The following PTPRD variants were observed in gnomAD, a reference collection of about 807,000 sequenced individuals.
PTPRD encodes the protein protein tyrosine phosphatase receptor type D, also known as receptor-type tyrosine-protein phosphatase delta.
In PTPRD, 34 loss-of-function variants were observed where a neutral mutation model predicts 214.5. The observed-to-expected ratio is 0.16, with a 90% CI of 0.12 to 0.21. The LOEUF is 0.21. PTPRD is among the 10% of genes least tolerant of loss of function. The probability of loss-of-function intolerance (pLI) is 1.00; values close to 1 mark genes in which losing one functional copy is unlikely to be tolerated. For missense variants in PTPRD, 2,545 were observed against 2,398.7 expected (o/e 1.06, Z -1.27); for synonymous variants, 1,128 against 845.7 (o/e 1.33, Z -5.79).
At chr9:10,173,468 A>G (rs1346865464) in intron 3 of PTPRD, among the ~76,000 whole-genome samples, 1 of 152,130 alleles carries the variant, frequency 6.6e-6, no homozygotes, top group Non-Finnish European at 1.5e-5. Flanking sequence ...TACTGTTATG[A>G]TCTCATCAAA....
At chr9:9,493,484 A>G (rs981935438) in intron 8 of PTPRD, among the ~76,000 whole-genome samples, 1 of 152,082 alleles carries the variant, frequency 6.6e-6, no homozygotes, top group Non-Finnish European at 1.5e-5. Context: ...TTCCAGTTTT[A>G]TTATTTAAGA....
At chr9:8,418,276 A>G (rs1291313844) in intron 35 of PTPRD, among the ~76,000 whole-genome samples, 1 of 151,506 alleles carries the variant, frequency 6.6e-6, no homozygotes, top group Non-Finnish European at 1.5e-5. Flanking sequence ...TTCAGCTTAA[A>G]TCCCACTCTC....
intron 11 of PTPRD, among the ~76,000 whole-genome samples, chr9:8,891,151 T>TTTTTTTTTTTTTA (rs1345759298): frequency 1.3e-5 from 2 of 149,636 alleles, no homozygotes; most frequent in East Asian, 1.9e-4. Context: ...TTTTTTTTTT[T>TTTTTTTTTTTTTA]GAGACTGAGT....
At chr9:10,212,291 A>G (rs571854514) in intron 3 of PTPRD, among the ~76,000 whole-genome samples, 9 of 152,150 alleles carry the variant, frequency 5.9e-5, no homozygotes, top group Non-Finnish European at 1.2e-4. Context: ...GAACTCATAG[A>G]AATTGATATC....
At chr9:8,331,867 T>TAAATAGAA in intron 43 of PTPRD, 131 bp from the exon 44 acceptor site, 1 of 1,080,236 alleles carries the variant, frequency 9.3e-7, no homozygotes, top group Non-Finnish European at 1.3e-6. Context: ...GGAACATGTT[T>TAAATAGAA]AAATAGAAAC....
chr9:8,992,573 A>G (rs1481459847), intron 11 of PTPRD, among the ~76,000 whole-genome samples: 1 of 152,150 alleles, frequency 6.6e-6, no homozygotes, highest in Non-Finnish European at 1.5e-5. Context: ...AATATTAGGC[A>G]TGAATTTTTA....
chr9:9,864,002 C>T (rs2063371889), intron 5 of PTPRD, among the ~76,000 whole-genome samples: 1 of 152,006 alleles, frequency 6.6e-6, no homozygotes, highest in African/African-American at 2.4e-5. Context: ...CCATATGAGG[C>T]CTAGTAAGTT....
chr9:9,119,442 T>C (rs1293281008), intron 10 of PTPRD, among the ~76,000 whole-genome samples: 1 of 152,160 alleles, frequency 6.6e-6, no homozygotes, highest in East Asian at 1.9e-4. Context: ...AAGAGATTCA[T>C]ATTGAAATCC....
intron 5 of PTPRD, among the ~76,000 whole-genome samples, chr9:9,783,957 T>A (rs1224819873): frequency 6.6e-6 from 1 of 151,930 alleles, no homozygotes; most frequent in Non-Finnish European, 1.5e-5. Flanking sequence ...TGCAAATCCA[T>A]TAGTGATTTT....
chr9:8,604,325 T>C (rs2095068138), intron 14 of PTPRD, among the ~76,000 whole-genome samples: 1 of 152,176 alleles, frequency 6.6e-6, no homozygotes, highest in South Asian at 2.1e-4. Flanking sequence ...ATGAGCTAGA[T>C]CTTTTTCAGA....
At chr9:8,981,862 T>C (rs1305520433) in intron 11 of PTPRD, among the ~76,000 whole-genome samples, 4 of 152,076 alleles carry the variant, frequency 2.6e-5, no homozygotes, top group African/African-American at 9.7e-5. Flanking sequence ...AAGGAAGAAA[T>C]AGAATGGCAA....
intron 10 of PTPRD, among the ~76,000 whole-genome samples, chr9:9,036,542 G>C (rs572358039): frequency 6.6e-6 from 1 of 152,074 alleles, no homozygotes; most frequent in East Asian, 1.9e-4. Flanking sequence ...TAATCATAAT[G>C]TGTCAATAGT....
At chr9:9,855,660 G>T (rs1414032059) in intron 5 of PTPRD, among the ~76,000 whole-genome samples, 1 of 152,110 alleles carries the variant, frequency 6.6e-6, no homozygotes, top group African/African-American at 2.4e-5. Context: ...AGCCGCTTCC[G>T]CACCTGCAGG....
intron 10 of PTPRD, among the ~76,000 whole-genome samples, chr9:9,121,443 A>G (rs1048312825): frequency 6.6e-6 from 1 of 152,006 alleles, no homozygotes; most frequent in African/African-American, 2.4e-5. Flanking sequence ...TCAATCAACA[A>G]AGAAACTTTG....
chr9:10,173,899 T>A (rs770615957), intron 3 of PTPRD, among the ~76,000 whole-genome samples: 24 of 152,102 alleles, frequency 1.6e-4, no homozygotes, highest in Non-Finnish European at 2.4e-4. Context: ...TAGCCAAGGT[T>A]TGACTTAGTG....
intron 41 of PTPRD, among the ~76,000 whole-genome samples, chr9:8,340,743 A>C (rs1851685837): frequency 6.8e-6 from 1 of 147,556 alleles, no homozygotes; most frequent in African/African-American, 2.4e-5. Context: ...TTTCATTGTC[A>C]TACAAATTAC....
intron 7 of PTPRD, among the ~76,000 whole-genome samples, chr9:9,641,941 T>C (rs2095973526): frequency 1.3e-5 from 2 of 152,112 alleles, no homozygotes; most frequent in African/African-American, 2.4e-5. Context: ...AAGTTAATCA[T>C]GCTGCTATAA....
At chr9:8,517,033 G>C (rs1169664470) in intron 21 of PTPRD, among the ~76,000 whole-genome samples, 2 of 151,882 alleles carry the variant, frequency 1.3e-5, no homozygotes, top group Non-Finnish European at 2.9e-5. Context: ...TGGTCTCAAA[G>C]TCCTGACCCT....
intron 5 of PTPRD, among the ~76,000 whole-genome samples, chr9:9,917,020 G>T (rs2081038443): frequency 1.3e-5 from 2 of 151,088 alleles, no homozygotes; most frequent in Admixed American, 6.6e-5. Context: ...AAATGAAAAT[G>T]GAAACACAAT....
Sources: gnomAD v4.1 joint callset for allele counts (sites outside exome capture counted in the v4.1 genomes callset) on GRCh38, gnomAD v4.1.1 for gene constraint, MANE v1.5 for transcripts, NCBI Gene and HGNC (gene_info 2026-07-23, HGNC 2026-07-21) for gene names.